SEZ6L2: variants seen among roughly 807,000 people sequenced by gnomAD.
SEZ6L2 encodes seizure 6-like protein 2.
SEZ6L2 carries 44 observed loss-of-function variants against 97.0 expected under a neutral mutation model. That is an observed-to-expected ratio of 0.45 (90% CI 0.36 to 0.58). SEZ6L2 has a LOEUF of 0.58. Ranked by LOEUF, SEZ6L2 falls within the 20% of genes least tolerant of loss-of-function variation. The probability of loss-of-function intolerance (pLI) is 0.00; values close to 1 mark genes in which losing one functional copy is unlikely to be tolerated. For synonymous variants in SEZ6L2, 543 were observed against 546.1 expected, an observed-to-expected ratio of 0.99 and a Z score of 0.08; for missense variants, 1,086 against 1,233.3, an observed-to-expected ratio of 0.88 and a Z score of 1.79.
chr16:29,877,523 A>C, intron 10 of SEZ6L2, 56 bp from the exon 11 acceptor site: 1 of 1,471,288 alleles, frequency 6.8e-7, no homozygotes. Flanking sequence ...CCTCCCATCC[A>C]GCTCTGCCCC....
chr16:29,878,439 G>A lies in SEZ6L2; in HGVS notation c.1574-14C>T. 2 of 1,585,898 alleles carry A rather than the reference G, an allele frequency of 1.3e-6. No homozygotes were observed. Among genetic ancestry groups the A allele is most frequent in the Non-Finnish European group, 1.7e-6 (2 of 1,162,136 alleles). On this transcript the variant is annotated splice_polypyrimidine_tract_variant and intron_variant, in intron 9 of 17. Transcript: ENST00000617533. Reference sequence around the variant, plus strand: ...CTCCACACATGGCTAGGGAAAAAGGGGTGTCAGGTTCAGGACCCAGGTGGG... The same window carrying A: ...CTCCACACATGGCTAGGGAAAAAGGAGTGTCAGGTTCAGGACCCAGGTGGG...
At chr16:29,879,685 G>A (rs1045887179) in intron 9 of SEZ6L2, among the ~76,000 whole-genome samples, 179 bp downstream of exon 9, 1 of 152,222 alleles carries the variant, frequency 6.6e-6, no homozygotes, top group Non-Finnish European at 1.5e-5. Context: ...CCTGCATTCA[G>A]TAACAAGCCC....
rs1471033549 is a variant in SEZ6L2 at position 29,871,602 on chromosome 16, G to T, written c.*97C>A. 1 of 1,238,198 alleles carries T rather than the reference G, an allele frequency of 8.1e-7. No individual in the cohort carries two copies. The highest frequency in any genetic ancestry group is 2.5e-5 in the East Asian group (1 of 39,842). The allele number at this position is 1,238,198 out of a possible 1,614,324, so 76.7% of individuals were successfully genotyped here. A position where few individuals can be genotyped will look rare whatever the true frequency, so the allele number is the denominator to read the frequency against. ...GGAGACTATTTACACAGCCAGGGAG[G>T]AGGGCAGCCAGGAGGCAGAGACCGG... On this transcript the variant is annotated 3_prime_UTR_variant, in exon 18 of 18. Transcript: ENST00000617533.
chr16:29,883,298 CCTTTT>C (rs796933007), intron 8 of SEZ6L2, among the ~76,000 whole-genome samples: 16 of 151,996 alleles, frequency 1.1e-4, no homozygotes, highest in Admixed American at 2.6e-4. Flanking sequence ...TCCTCTCTTT[CCTTTT>C]CTTTTCTTTT....
intron 10 of SEZ6L2, 48 bp downstream of exon 10, chr16:29,878,239 C>G (rs1014905542): frequency 1.3e-6 from 2 of 1,515,374 alleles, no homozygotes; most frequent in African/African-American, 2.8e-5. Flanking sequence ...GCATACCACA[C>G]TTTGCTGAGC....
At chr16:29,889,261 T>C (rs1189018299) in intron 5 of SEZ6L2, among the ~76,000 whole-genome samples, 1 of 151,970 alleles carries the variant, frequency 6.6e-6, no homozygotes, top group Non-Finnish European at 1.5e-5. Flanking sequence ...GCCAACATGG[T>C]AAAACCCCGT....
chr16:29,886,552 AC>A (rs2068144754), intron 7 of SEZ6L2, among the ~76,000 whole-genome samples: 1 of 151,414 alleles, frequency 6.6e-6, no homozygotes, highest in South Asian at 2.1e-4. Flanking sequence ...GTGGTGGCAC[AC>A]GCTTGTAGTC....
chr16:29,878,286 C>A lies in SEZ6L2; in HGVS notation c.1712+1G>T, dbSNP rs1329586446. On this transcript the variant is annotated splice_donor_variant, in intron 10 of 17. Transcript: ENST00000617533. LOFTEE classifies it high-confidence loss of function. ...GCACCCTCTGCAGGACCCAAACATA[C>A]ATCTCAACTTGGAGCAAGATGCGCT... 3.8e-6 allele frequency: 6 copies of A among 1,589,984 alleles called. No individual in the cohort carries two copies. Among genetic ancestry groups the A allele is most frequent in the Non-Finnish European group, 5.1e-6 (6 of 1,166,386 alleles).
intron 5 of SEZ6L2, among the ~76,000 whole-genome samples, chr16:29,893,508 G>A (rs901616476): frequency 6.6e-5 from 10 of 151,796 alleles, no homozygotes; most frequent in Non-Finnish European, 1.0e-4. Context: ...TTAGCCAGGC[G>A]TAGTGGCAGG....
rs147919402 is a variant in SEZ6L2, at chr16:29,887,773, C to T, written c.1084G>A (p.Val362Met). Residue 362 changes from valine to methionine, a missense_variant, in exon 7 of 18, where the codon GTG becomes ATG. Physicochemically the swap from Val to Met is conservative, Grantham distance 21. Coordinates refer to ENST00000617533, the MANE Select transcript of SEZ6L2 (RefSeq NM_001243332.2). Reference protein sequence around the residue: ...TIHNATLGRIVSPEPGGAVGP... With the variant: ...TIHNATLGRIMSPEPGGAVGP... ...ACGGCTCCCCCAGGCTCTGGGGACA[C>T]GATGCGGCCCAGGGTGGCATTGTGG... 380 of 1,613,820 alleles carry T rather than the reference C, an allele frequency of 2.4e-4. 2 individuals are homozygous for T. The highest frequency in any genetic ancestry group is 1.8e-3 in the Middle Eastern group (11 of 6,058).
chr16:29,874,520 A>G (rs2067856426), intron 12 of SEZ6L2, among the ~76,000 whole-genome samples: 1 of 142,718 alleles, frequency 7.0e-6, no homozygotes, highest in Non-Finnish European at 1.5e-5. Context: ...AATGTTTTAC[A>G]AACAAATATA....
chr16:29,886,573 C>T (rs1270562569), intron 7 of SEZ6L2, among the ~76,000 whole-genome samples: 5 of 150,838 alleles, frequency 3.3e-5, no homozygotes, highest in South Asian at 2.1e-4. Flanking sequence ...CCCAGCTACT[C>T]GGGAGGCTAA....
At chr16:29,878,568 T>G in intron 9 of SEZ6L2, 143 bp from the exon 10 acceptor site, 1 of 566,078 alleles carries the variant, frequency 1.8e-6, no homozygotes, top group Non-Finnish European at 2.6e-6. Context: ...CTTTTATTCT[T>G]TTATTTTATT....
At position 29,872,740 on chromosome 16, in the gene SEZ6L2, G is replaced by A; in HGVS notation, c.2492C>T (p.Ala831Val). The change falls in exon 15 of 18, where the codon GCC (alanine) becomes GTC (valine). Residue 831 changes from alanine to valine, a missense_variant. By Grantham distance (64) the Ala-to-Val change is moderately conservative. This residue lies in a region of SEZ6L2 where 310 missense variants were observed against 438.6 expected (regional missense o/e 0.71). Coordinates refer to ENST00000617533, the MANE Select transcript of SEZ6L2 (RefSeq NM_001243332.2). ...TCGGTTGTCCAGGAGCTCCTCATAGGCAACTGCAGGGAGAGGAGGGGGAGG... is the reference window on the plus strand; with the variant it reads ...TCGGTTGTCCAGGAGCTCCTCATAGACAACTGCAGGGAGAGGAGGGGGAGG... ...WTSQPPLCKV[A>V]YEELLDNRKL... 6.2e-7 allele frequency: 1 copy of A among 1,610,606 alleles called. No homozygotes were observed. The highest frequency in any genetic ancestry group is 8.5e-7 in the Non-Finnish European group (1 of 1,178,726).
At position 29,873,612 on chromosome 16, in the gene SEZ6L2, C is replaced by T. The variant is rs1242739149; in HGVS notation, c.2222G>A (p.Gly741Glu). The change falls in exon 13 of 18, where the codon GGG (glycine) becomes GAG (glutamate). Residue 741 changes from glycine (G) to glutamate (E), a missense_variant. Transcript: ENST00000617533. This position sits in a 1 kb window ranked among gnomAD's most constrained non-coding sequence, Gnocchi z 4.3. Reference sequence around the variant, plus strand: ...GCTGTAGCAGGTGAGCATGGCTGCCCCCTCGAGGCTGTACCCTGGCAGGCA... The same window carrying T: ...GCTGTAGCAGGTGAGCATGGCTGCCTCCTCGAGGCTGTACCCTGGCAGGCA... ...YRCLPGYSLEGAAMLTCYSRD... is the reference protein window; with the variant it reads ...YRCLPGYSLEEAAMLTCYSRD... 2 of 1,614,096 alleles carry T rather than the reference C, an allele frequency of 1.2e-6. No homozygotes were observed. Among genetic ancestry groups the T allele is most frequent in the Non-Finnish European group, 1.7e-6 (2 of 1,180,002 alleles).
At position 29,899,039 on chromosome 16, in the gene SEZ6L2, T is replaced by C. The variant is rs1371578318; in HGVS notation, c.-20A>G. The C allele has an allele frequency of 6.3e-7, 1 of 1,589,940 alleles. No individual in the cohort carries two copies. The highest frequency in any genetic ancestry group is 1.1e-5 in the South Asian group (1 of 89,820). On this transcript the variant is annotated 5_prime_UTR_variant, in exon 1 of 18. Coordinates refer to ENST00000617533, the MANE Select transcript of SEZ6L2 (RefSeq NM_001243332.2). ...CCCCATGGCGACTCACCCCGATCTC[T>C]CTCCTCTGTGCCTCTCTAAGTAATC...
intron 3 of SEZ6L2, 126 bp downstream of exon 3, chr16:29,896,694 CTT>C (rs2068398088): frequency 1.3e-6 from 1 of 754,440 alleles, no homozygotes. Flanking sequence ...GAAATGCTAC[CTT>C]TGTTATTATT....
At position 29,876,891 on chromosome 16, in the gene SEZ6L2, C is replaced by A. The variant is rs1195555119; in HGVS notation, c.1969G>T (p.Ala657Ser). 1 of 1,613,492 alleles carries A rather than the reference C, an allele frequency of 6.2e-7. No individual in the cohort carries two copies. The highest frequency in any genetic ancestry group is 8.5e-7 in the Non-Finnish European group (1 of 1,179,746). Residue 657 changes from alanine (A) to serine (S), a missense_variant, in exon 12 of 18, where the codon GCA (alanine) becomes TCA (serine). Ala to Ser is a moderately conservative substitution (Grantham distance 99). Coordinates refer to ENST00000617533, the MANE Select transcript of SEZ6L2 (RefSeq NM_001243332.2). The surrounding 1 kb of genome is among the most constrained non-coding windows in gnomAD (Gnocchi z 6.5). ...CCCCGGATCAGGTCCCCGTGGGATG[C>A]CGTTCTCCAGCCCCACTCCGGAGGT... ...LPPPEWGWRT[A>S]SHGDLIRGTV...
chr16:29,873,129 A>G lies in SEZ6L2; in HGVS notation c.2488+111T>C. 8.1e-7 allele frequency: 1 copy of G among 1,235,082 alleles called. No individual in the cohort carries two copies. The highest frequency in any genetic ancestry group is 1.1e-6 in the Non-Finnish European group (1 of 888,578). 76.5% of individuals were successfully genotyped at this position (1,235,082 alleles called of 1,614,324 possible). ...GAGGACACGAGGCCACAGGAGGAGA[A>G]CCGGGAGCTCTGTGGGGTCGCCCAT... On this transcript the variant is annotated intron_variant, in intron 14 of 17. Coordinates refer to ENST00000617533, the MANE Select transcript of SEZ6L2 (RefSeq NM_001243332.2). The surrounding 1 kb of genome is among the most constrained non-coding windows in gnomAD (Gnocchi z 4.3).
Sources: gnomAD v4.1 joint callset for allele counts (sites outside exome capture counted in the v4.1 genomes callset) on GRCh38, gnomAD v4.1.1 for gene constraint, gnomAD v4.1.1 regional missense constraint, Gnocchi (gnomAD v3.1) non-coding constraint, MANE v1.5 for transcripts, NCBI Gene and HGNC (gene_info 2026-07-23, HGNC 2026-07-21) for gene names.